Variants in DCAF6 observed in about 807,000 individuals in gnomAD.
DCAF6 encodes the protein DDB1 and CUL4 associated factor 6.
Under a neutral mutation model 125.1 loss-of-function variants are expected in DCAF6, and 54 were observed. That is an observed-to-expected ratio of 0.43 (90% CI 0.35 to 0.54). The LOEUF is 0.54. Among genes scored for constraint, DCAF6 ranks in the 20% least tolerant of loss-of-function variants. DCAF6 has a pLI of 0.01. For synonymous variants in DCAF6, 371 were observed against 390.4 expected (o/e 0.95, Z 0.58); for missense variants, 934 against 1,161.7 (o/e 0.80, Z 2.85).
intron 16 of DCAF6, among the ~76,000 whole-genome samples, chr1:168,048,527 A>G (rs1000075287): frequency 1.4e-4 from 21 of 152,222 alleles, no homozygotes; most frequent in African/African-American, 5.1e-4. Context: ...TTACATTCTT[A>G]TAATTTGGTT....
At chr1:168,036,061 C>A (rs1276242679) in intron 12 of DCAF6, among the ~76,000 whole-genome samples, 5 of 151,226 alleles carry the variant, frequency 3.3e-5, no homozygotes, top group African/African-American at 1.2e-4. Context: ...GCCTCCATCT[C>A]AAAAAAAATA....
chr1:167,931,555 A>G (rs1484495743), upstream of DCAF6, among the ~76,000 whole-genome samples: 1 of 151,888 alleles, frequency 6.6e-6, no homozygotes, highest in East Asian at 1.9e-4. Flanking sequence ...ACTTAAGAAT[A>G]TATATGGACA....
At chr1:167,942,428 T>G (rs1672394978) in intron 1 of DCAF6, among the ~76,000 whole-genome samples, 1 of 152,230 alleles carries the variant, frequency 6.6e-6, no homozygotes, top group South Asian at 2.1e-4. Flanking sequence ...GTTTTTGTCA[T>G]CCATATAGTC....
At position 168,051,255 on chromosome 1, in the gene DCAF6, A is replaced by G. The variant is rs374143164; in HGVS notation, c.2300+322A>G. 5.8e-4 allele frequency among the ~76,000 whole-genome samples: 89 copies of G among 152,268 alleles called. 1 individual carries two copies. Among genetic ancestry groups the G allele is most frequent in the African/African-American group, 2.1e-3 (86 of 41,518 alleles). ...TTTGGATATTTTGTTGAAGAATGCA[A>G]TTTATGTTTTTTAAATTTGATTGGG... is the stretch of plus-strand genomic sequence containing the variant. On this transcript the variant is annotated intron_variant, in intron 17 of 21. Transcript: ENST00000367840.
At chr1:168,019,593 C>T in intron 11 of DCAF6, 1 of 454,988 alleles carries the variant, frequency 2.2e-6, no homozygotes, top group Non-Finnish European at 4.4e-6. Context: ...TGACAGCACC[C>T]TGTGGAGTCT....
At position 167,975,005 on chromosome 1, in the gene DCAF6, C is replaced by G. The variant is rs1356161115; in HGVS notation, c.428C>G (p.Thr143Ser). 6 of 1,593,016 alleles carry G rather than the reference C, an allele frequency of 3.8e-6. No homozygotes were observed. The South Asian group carries it at 7.0e-5, about 18-fold the overall frequency. ...TGCCAATTTACGTGTCATTATGGAA[C>G]TACTTATGAGGTATGGTATTATTAT... Reference protein sequence around the residue: ...RQCQFTCHYGTTYEIMTVPND... With the variant: ...RQCQFTCHYGSTYEIMTVPND... Residue 143 changes from threonine to serine, a missense_variant, in exon 4 of 22, where the codon ACT becomes AGT. By Grantham distance (58) the Thr-to-Ser change is moderately conservative (BLOSUM62 1). Coordinates refer to ENST00000367840, the MANE Select transcript of DCAF6 (RefSeq NM_001198956.2).
At chr1:167,904,907 C>T in the DCAF6 span, 64 of 1,590,198 alleles carry the variant, frequency 4.0e-5, no homozygotes, top group Admixed American at 8.3e-5. Context: ...GAATGGCCTC[C>T]CTACTCTGCA....
At chr1:168,029,547 C>G (rs1167081825) in intron 12 of DCAF6, among the ~76,000 whole-genome samples, 1 of 152,128 alleles carries the variant, frequency 6.6e-6, no homozygotes, top group Non-Finnish European at 1.5e-5. Context: ...CACTTAATAC[C>G]ACATTTTCTT....
At chr1:167,868,719 T>G in the DCAF6 span, among the ~76,000 whole-genome samples, 4 of 152,210 alleles carry the variant, frequency 2.6e-5, no homozygotes, top group African/African-American at 4.8e-5. Flanking sequence ...GTCTATGCTT[T>G]CCGCGAAAAG....
the DCAF6 span, among the ~76,000 whole-genome samples, chr1:167,872,352 T>C: frequency 2.1e-5 from 3 of 143,664 alleles, no homozygotes; most frequent in Non-Finnish European, 4.6e-5. Context: ...AAAAATAAAG[T>C]TTCCTAAGGA....
At chr1:168,028,745 CTTAAGA>C (rs934372185) in intron 12 of DCAF6, among the ~76,000 whole-genome samples, 2 of 152,068 alleles carry the variant, frequency 1.3e-5, no homozygotes, top group Non-Finnish European at 2.9e-5. Context: ...TATGTATTAC[CTTAAGA>C]TTATATACTA....
intron 10 of DCAF6, among the ~76,000 whole-genome samples, chr1:168,007,114 A>G (rs1185785064): frequency 6.6e-6 from 1 of 152,256 alleles, no homozygotes; most frequent in East Asian, 1.9e-4. Context: ...TTCATTCACA[A>G]TGAAAAGTAC....
chr1:167,934,289 T>G (rs1670996965), upstream of DCAF6, among the ~76,000 whole-genome samples: 2 of 152,206 alleles, frequency 1.3e-5, no homozygotes, highest in Admixed American at 1.3e-4. Context: ...TCTTACTCTG[T>G]CATGCCCTTA....
At chr1:167,969,901 C>T (rs1298466245) in intron 3 of DCAF6, among the ~76,000 whole-genome samples, 1 of 152,188 alleles carries the variant, frequency 6.6e-6, no homozygotes, top group Non-Finnish European at 1.5e-5. Flanking sequence ...CTCAGCCTTC[C>T]AAATAGCTGA....
intron 2 of DCAF6, among the ~76,000 whole-genome samples, 163 bp from the exon 3 acceptor site, chr1:167,966,466 A>T (rs578227859): frequency 6.6e-6 from 1 of 152,150 alleles, no homozygotes; most frequent in African/African-American, 2.4e-5. Context: ...TTCTTCTTCT[A>T]CTGTGGCCAA....
the DCAF6 span, among the ~76,000 whole-genome samples, chr1:167,928,067 G>A: frequency 2.0e-5 from 3 of 152,032 alleles, no homozygotes; most frequent in South Asian, 2.1e-4. Context: ...AAAAAAGGTC[G>A]GCCGGGCGCG....
At chr1:168,015,139 T>C (rs1486382171) in intron 10 of DCAF6, among the ~76,000 whole-genome samples, 2 of 152,214 alleles carry the variant, frequency 1.3e-5, no homozygotes, top group African/African-American at 4.8e-5. Flanking sequence ...TCAGTAAATA[T>C]CTCTTTGCAG....
At chr1:168,045,496 A>G (rs571768149) in intron 16 of DCAF6, among the ~76,000 whole-genome samples, 57 of 152,328 alleles carry the variant, frequency 3.7e-4, no homozygotes, top group Non-Finnish European at 5.6e-4. Context: ...ATCAAGAGAA[A>G]AGAATGTTAA....
At chr1:167,919,469 C>A in the DCAF6 span, among the ~76,000 whole-genome samples, 2 of 152,132 alleles carry the variant, frequency 1.3e-5, no homozygotes, top group Admixed American at 6.5e-5. Context: ...ATATTAACTA[C>A]TGAGTAAATA....
Sources: allele counts gnomAD v4.1 joint callset (sites outside exome capture counted in the v4.1 genomes callset), GRCh38; gene constraint gnomAD v4.1.1; transcripts MANE v1.5; gene names NCBI Gene and HGNC (gene_info 2026-07-23, HGNC 2026-07-21).